TNIP3: variants seen among roughly 807,000 people sequenced by gnomAD.
The protein encoded by TNIP3 is TNFAIP3-interacting protein 3.
TNIP3 carries 34 observed loss-of-function variants against 54.1 expected under a neutral mutation model. The ratio of observed to expected loss-of-function variants is 0.63; its 90% confidence interval spans 0.48 to 0.84. The LOEUF is 0.84. Ranked by LOEUF, TNIP3 falls within the 40% of genes least tolerant of loss-of-function variation. TNIP3 has a pLI of 0.00. For synonymous variants in TNIP3, 134 were observed against 136.8 expected (o/e 0.98, Z 0.14); for missense variants, 366 against 387.6 (o/e 0.94, Z 0.47).
intron 3 of TNIP3, among the ~76,000 whole-genome samples, chr4:121,181,833 T>C (rs1475730519): frequency 1.3e-5 from 2 of 152,154 alleles, no homozygotes; most frequent in African/African-American, 2.4e-5. Flanking sequence ...AAGTAAATAT[T>C]TGTTTAAGGG....
chr4:121,191,595 A>C (rs1370253140), intron 2 of TNIP3, among the ~76,000 whole-genome samples: 1 of 152,216 alleles, frequency 6.6e-6, no homozygotes, highest in Non-Finnish European at 1.5e-5. Flanking sequence ...TTAACTTATC[A>C]AAATGTTTCT....
At chr4:121,166,110 C>G (rs1329415213), upstream of TNIP3, among the ~76,000 whole-genome samples, 1 of 152,164 alleles carries the variant, frequency 6.6e-6, no homozygotes, top group South Asian at 2.1e-4. Flanking sequence ...GGCATTGTGC[C>G]TCTTGAGTCT....
chr4:121,157,218 T>C lies in TNIP3; in HGVS notation c.239A>G (p.Asp80Gly). Residue 80 changes from aspartate to glycine, a missense_variant, in exon 4 of 11, where the codon GAC becomes GGC. Coordinates refer to ENST00000057513, the MANE Select transcript of TNIP3 (RefSeq NM_024873.6). ...CGTGCTGAGGAATCTTTCCGCGGCG[T>C]CCAGTTTCGTCTTCAGCTCTGCTAC... ...RKVAELKTKLDAAERFLSTRE... is the reference protein window; with the variant it reads ...RKVAELKTKLGAAERFLSTRE... The C allele has an allele frequency of 1.9e-6, 3 of 1,614,130 alleles. No individual in the cohort carries two copies. The highest frequency in any genetic ancestry group is 2.5e-6 in the Non-Finnish European group (3 of 1,180,014).
upstream of TNIP3, among the ~76,000 whole-genome samples, chr4:121,168,932 C>T (rs1396118126): frequency 1.3e-5 from 2 of 152,108 alleles, no homozygotes; most frequent in Non-Finnish European, 2.9e-5. Flanking sequence ...AGTTATGTGA[C>T]CTTGGGCAAG....
At chr4:121,226,928 G>C (rs956705911) in intron 1 of TNIP3, among the ~76,000 whole-genome samples, 1 of 111,000 alleles carries the variant, frequency 9.0e-6, no homozygotes, top group Non-Finnish European at 2.0e-5. Context: ...ACACTAAATG[G>C]ATGCTGGCTC....
At chr4:121,209,943 T>C (rs1407227157) in intron 2 of TNIP3, among the ~76,000 whole-genome samples, 1 of 152,194 alleles carries the variant, frequency 6.6e-6, no homozygotes. Flanking sequence ...GAATTTTACA[T>C]GAGTGCTTCT....
At chr4:121,174,297 T>C (rs2148823091) in intron 3 of TNIP3, among the ~76,000 whole-genome samples, 1 of 152,182 alleles carries the variant, frequency 6.6e-6, no homozygotes, top group South Asian at 2.1e-4. Context: ...CCGACCACTT[T>C]GGGAGGCTGA....
At chr4:121,186,230 G>A (rs1263065317) in intron 2 of TNIP3, among the ~76,000 whole-genome samples, 1 of 152,194 alleles carries the variant, frequency 6.6e-6, no homozygotes, top group Admixed American at 6.5e-5. Flanking sequence ...CCAGACGTGG[G>A]GGGGTTTGGT....
At chr4:121,171,615 A>G (rs1269778551) in intron 3 of TNIP3, among the ~76,000 whole-genome samples, 1 of 152,230 alleles carries the variant, frequency 6.6e-6, no homozygotes, top group Non-Finnish European at 1.5e-5. Flanking sequence ...CATCTGCCCC[A>G]GAAGAGAAAG....
chr4:121,216,239 T>C (rs1330148919), intron 2 of TNIP3, among the ~76,000 whole-genome samples: 6 of 152,212 alleles, frequency 3.9e-5, no homozygotes, highest in Admixed American at 6.5e-5. Flanking sequence ...AAAGAAAATA[T>C]GTTCAGATAG....
chr4:121,142,749 T>C lies in TNIP3; in HGVS notation c.763A>G (p.Lys255Glu), dbSNP rs1222508871. ...ACCTGTTTTAATTGCTTTTCTAGTT[T>C]TTCTTTCTCCATCTGACAAGCTTTT... ...QIKACQMEKE[K>E]LEKQLKQMYC... The change falls in exon 8 of 11, where the codon AAA becomes GAA. Residue 255 changes from lysine to glutamate, a missense_variant. Physicochemically the swap from Lys to Glu is moderately conservative, Grantham distance 56. Transcript: ENST00000057513. 6.2e-7 allele frequency: 1 copy of C among 1,612,472 alleles called. No individual in the cohort carries two copies. Among genetic ancestry groups the C allele is most frequent in the Non-Finnish European group, 8.5e-7 (1 of 1,178,878 alleles).
chr4:121,150,360 T>C, intron 5 of TNIP3, 141 bp from the exon 6 acceptor site: 1 of 476,308 alleles, frequency 2.1e-6, no homozygotes, highest in Non-Finnish European at 3.8e-6. Flanking sequence ...AGTAACTTTC[T>C]TCTTTCTGAT....
chr4:121,142,680 G>C, intron 8 of TNIP3, 46 bp downstream of exon 8: 1 of 1,519,618 alleles, frequency 6.6e-7, no homozygotes. Flanking sequence ...AATGAGAAAT[G>C]CTGTACATGG....
intron 2 of TNIP3, among the ~76,000 whole-genome samples, chr4:121,187,128 A>G (rs183346741): frequency 2.6e-5 from 4 of 152,298 alleles, no homozygotes; most frequent in Admixed American, 2.6e-4. Context: ...TCTTGAGATC[A>G]CTTAATAATT....
At chr4:121,150,873 C>T (rs1405136896) in intron 5 of TNIP3, among the ~76,000 whole-genome samples, 6 of 152,220 alleles carry the variant, frequency 3.9e-5, no homozygotes, top group Non-Finnish European at 7.3e-5. Context: ...TTAAAACATT[C>T]ATTAACTCAC....
At chr4:121,167,472 G>A (rs912871126), upstream of TNIP3, among the ~76,000 whole-genome samples, 12 of 152,124 alleles carry the variant, frequency 7.9e-5, no homozygotes, top group African/African-American at 2.2e-4. Context: ...TGCAAAGGGA[G>A]CACAGTAAGA....
At chr4:121,143,897 G>A (rs1729273733) in intron 7 of TNIP3, among the ~76,000 whole-genome samples, 1 of 152,186 alleles carries the variant, frequency 6.6e-6, no homozygotes, top group Non-Finnish European at 1.5e-5. Flanking sequence ...GAGCATGACA[G>A]CATATACGTG....
At chr4:121,193,180 G>T (rs1379132980) in intron 2 of TNIP3, among the ~76,000 whole-genome samples, 1 of 152,064 alleles carries the variant, frequency 6.6e-6, no homozygotes, top group Non-Finnish European at 1.5e-5. Context: ...ATTGGGACAC[G>T]CTATCAGAGA....
intron 2 of TNIP3, among the ~76,000 whole-genome samples, chr4:121,188,900 C>A (rs1369674735): frequency 6.6e-6 from 1 of 152,176 alleles, no homozygotes; most frequent in East Asian, 1.9e-4. Flanking sequence ...GATATCAGTA[C>A]TTTAAGACCA....
Sources: allele counts gnomAD v4.1 joint callset (sites outside exome capture counted in the v4.1 genomes callset), GRCh38; gene constraint gnomAD v4.1.1; transcripts MANE v1.5; gene names NCBI Gene and HGNC (gene_info 2026-07-23, HGNC 2026-07-21).